Variants in DDX3X observed in about 807,000 individuals in gnomAD.
DDX3X encodes the protein ATP-dependent RNA helicase DDX3X.
DDX3X carries 4 observed loss-of-function variants against 52.7 expected under a neutral mutation model. The ratio of observed to expected loss-of-function variants is 0.08; its 90% CI spans 0.04 to 0.17. DDX3X has a LOEUF of 0.17. Ranked by LOEUF, DDX3X falls within the 10% of genes least tolerant of loss-of-function variation. The probability of loss-of-function intolerance (pLI) is 1.00; values close to 1 mark genes in which losing one functional copy is unlikely to be tolerated. For synonymous variants in DDX3X, 192 were observed against 178.1 expected (o/e 1.08, Z -0.62); for missense variants, 222 against 548.6 (o/e 0.40, Z 5.95).
chrX:41,354,536 C>A (rs1239044635), downstream of DDX3X, among the ~76,000 whole-genome samples: 1 of 107,912 alleles, frequency 9.3e-6, no homozygotes, highest in Non-Finnish European at 1.9e-5. Flanking sequence ...GTTGCCCAGG[C>A]TGGTCTTGAA....
At chrX:41,356,537 C>T (rs1319469557) in intron 5 of DDX3X, among the ~76,000 whole-genome samples, 2 of 101,985 alleles carry the variant, frequency 2.0e-5, no homozygotes, top group Non-Finnish European at 3.9e-5. Context: ...CGGCTCACTG[C>T]AACCTCTGCC....
At chrX:41,358,009 T>G (rs2064015594) in intron 5 of DDX3X, 1 of 286,060 alleles carries the variant, frequency 3.5e-6, no homozygotes, top group Non-Finnish European at 6.1e-6. Context: ...CTGTAAGCAT[T>G]CTTAGTCTGT....
At chrX:41,334,112 AG>A (rs772824297), upstream of DDX3X, 1 of 549,032 alleles carries the variant, frequency 1.8e-6, no homozygotes, top group Non-Finnish European at 3.0e-6. Flanking sequence ...GTGCTGACGT[AG>A]CCGGCTTTCC....
At position 41,347,907 on chromosome X, in the gene DDX3X, G is replaced by A. The variant is rs2147362178; in HGVS notation, c.*188G>A. The A allele has an allele frequency of 2.5e-6, 1 of 399,033 alleles. No homozygotes were observed. Among genetic ancestry groups the A allele is most frequent in the East Asian group, 4.3e-5 (1 of 23,518 alleles). 32.9% of individuals were successfully genotyped at this position (399,033 alleles called of 1,213,427 possible). ...AATGAAAGGAACAATCAGCAGCCCT[G>A]TTCAGAAGGTGGTTTGAAGACTTCA... On this transcript the variant is annotated 3_prime_UTR_variant, in exon 17 of 17. Coordinates refer to ENST00000644876, the MANE Select transcript of DDX3X (RefSeq NM_001356.5).
chrX:41,342,724 T>G lies in DDX3X; in HGVS notation c.444-13T>G. 8.3e-7 allele frequency: 1 copy of G among 1,209,922 alleles called. No individual in the cohort carries two copies. The highest frequency in any genetic ancestry group is 1.1e-6 in the Non-Finnish European group (1 of 893,826). ...TAGTATAACAAATGAACTTATCCAT[T>G]TTTTGATTTGAGGGAACTCTTTTCT... On this transcript the variant is annotated splice_polypyrimidine_tract_variant and intron_variant, in intron 5 of 16. Coordinates refer to ENST00000644876, the MANE Select transcript of DDX3X (RefSeq NM_001356.5).
At chrX:41,345,722 C>T (rs1450529528) in intron 12 of DDX3X, 174 bp downstream of exon 12, 7 of 436,638 alleles carry the variant, frequency 1.6e-5, no homozygotes, top group Non-Finnish European at 2.7e-5. Flanking sequence ...CCTGGTGCTC[C>T]CTTGCTTCCG....
At chrX:41,359,098 G>A (rs941096737) in intron 5 of DDX3X, among the ~76,000 whole-genome samples, 3 of 112,086 alleles carry the variant, frequency 2.7e-5, no homozygotes, top group Admixed American at 1.9e-4. Context: ...AACAGAACCC[G>A]TGGTATAAAT....
At chrX:41,360,496 G>A (rs955272052) in intron 5 of DDX3X, among the ~76,000 whole-genome samples, 8 of 109,318 alleles carry the variant, frequency 7.3e-5, no homozygotes, top group Non-Finnish European at 1.3e-4. Context: ...AGGCTGGAGT[G>A]CAGTGGCGTA....
intron 3 of DDX3X, chrX:41,340,619 G>A (rs374509976): frequency 7.3e-6 from 2 of 273,229 alleles, no homozygotes; most frequent in African/African-American, 5.5e-5. Context: ...AGTGATGAGG[G>A]TTTTTCTTTT....
rs1472300273 is a variant in DDX3X, at chrX:41,347,607, T to C, written c.1910-33T>C. The C allele has an allele frequency of 2.6e-6, 3 of 1,149,527 alleles. No homozygotes were observed. In the East Asian group the frequency reaches 8.9e-5, roughly 34 times the overall value. The allele number at this position is 1,149,527 out of a possible 1,213,427, so 94.7% of individuals were successfully genotyped here. On this transcript the variant is annotated intron_variant, in intron 16 of 16. Transcript: ENST00000644876. ...TTGTATTTAATGATGGATAACTTCATTAATTTCTCTCTCTTTTTAAATCTC... is the reference window on the plus strand; with the variant it reads ...TTGTATTTAATGATGGATAACTTCACTAATTTCTCTCTCTTTTTAAATCTC...
intron 5 of DDX3X, among the ~76,000 whole-genome samples, chrX:41,364,005 G>A (rs1343388272): frequency 1.8e-5 from 2 of 111,317 alleles, no homozygotes; most frequent in Non-Finnish European, 3.8e-5. Flanking sequence ...CTGCCCCTCT[G>A]CCTTCATTCT....
Position 41,343,802 on chromosome X carries a change from G to C in DDX3X, c.745G>C (p.Glu249Gln). 8.3e-7 allele frequency: 1 copy of C among 1,207,202 alleles called. No individual in the cohort carries two copies. Among genetic ancestry groups the C allele is most frequent in the Non-Finnish European group, 1.1e-6 (1 of 892,320 alleles). The part of the protein sequence containing the change: ...LSQIYSDGPG[E>Q]ALRAMKENGR... ...TCAGATTTATTCAGATGGTCCAGGC[G>C]AGGCTTTGAGGGCCATGAAGGTAGA... is the stretch of plus-strand genomic sequence containing the variant. Residue 249 changes from glutamate (E) to glutamine (Q), a missense_variant, in exon 8 of 17, where the codon GAG (glutamate) becomes CAG (glutamine). Transcript: ENST00000644876.
rs1001358042 is a variant in DDX3X, at chrX:41,347,661, A to G, written c.1931A>G (p.Asn644Ser). 3.3e-6 allele frequency: 4 copies of G among 1,201,032 alleles called. No homozygotes were observed. In the East Asian group the frequency reaches 8.9e-5, roughly 27 times the overall value. ...TTAGGTGGCTATGGAGGCTTTTACAACAGTGATGGATATGGAGGAAATTAT... is the reference window on the plus strand; with the variant it reads ...TTAGGTGGCTATGGAGGCTTTTACAGCAGTGATGGATATGGAGGAAATTAT... The part of the protein sequence containing the change: ...FGGGGYGGFY[N>S]SDGYGGNYNS... Residue 644 changes from asparagine to serine, a missense_variant, in exon 17 of 17, where the codon AAC (asparagine) becomes AGC (serine). This residue lies in a region of DDX3X where 38 missense variants were observed against 52.0 expected (regional missense o/e 0.73). Coordinates refer to ENST00000644876, the MANE Select transcript of DDX3X (RefSeq NM_001356.5).
In DDX3X at chrX:41,340,613, A is replaced by C. The variant is rs2063836925; in HGVS notation, c.152-871A>C. ...TTGTCTATACTGAGAATATATAGTG[A>C]TGAGGGTTTTTCTTTTTCCCAGGTA... On this transcript the variant is annotated intron_variant, in intron 3 of 16. Coordinates refer to ENST00000644876, the MANE Select transcript of DDX3X (RefSeq NM_001356.5). 10 of 271,816 alleles carry C rather than the reference A, an allele frequency of 3.7e-5. No homozygotes were observed. The East Asian group carries it at 5.2e-4, about 14-fold the overall frequency. The allele number at this position is 271,816 out of a possible 1,213,427, so 22.4% of individuals were successfully genotyped here.
In DDX3X at chrX:41,345,386, A is replaced by C. The variant is rs773747447; in HGVS notation, c.1171-18A>C. 1 of 1,196,502 alleles carries C rather than the reference A, an allele frequency of 8.4e-7. No individual in the cohort carries two copies. Among genetic ancestry groups the C allele is most frequent in the South Asian group, 1.9e-5 (1 of 53,740 alleles). ...ATTTGTTTATCTCAGGTAATAATAA[A>C]AATTTTTTTTCTTTCAGATGCTGGC... On this transcript the variant is annotated intron_variant, in intron 11 of 16. Transcript: ENST00000644876.
At chrX:41,350,351 A>G (rs974974101), downstream of DDX3X, 2 of 112,536 alleles carry the variant, frequency 1.8e-5, no homozygotes, top group African/African-American at 3.2e-5. Flanking sequence ...GACTCATACC[A>G]TAAGTATTTG....
chrX:41,333,711 GA>G (rs201279446), upstream of DDX3X: 11 of 103,545 alleles, frequency 1.1e-4, no homozygotes, highest in African/African-American at 3.2e-4. Context: ...CCAGTGTTAG[GA>G]AAAAAAAAAC....
chrX:41,347,229 T>C, intron 15 of DDX3X, 83 bp from the exon 16 acceptor site: 18 of 1,066,496 alleles, frequency 1.7e-5, no homozygotes, highest in Non-Finnish European at 2.3e-5. Context: ...ATGGAAAAAT[T>C]AGAAATTGGT....
In DDX3X at chrX:41,359,137, T is replaced by C. The variant is rs933753530; in HGVS notation, c.655-5137T>C. Among the ~76,000 whole-genome samples the C allele has an allele frequency of 2.8e-4, 32 of 112,394 alleles. 2 individuals carry two copies. Among genetic ancestry groups the C allele is most frequent in the Admixed American group, 2.4e-3 (25 of 10,550 alleles). ...TCCCAAGTATCAGTGTCACAAATAC[T>C]CTTTGCGTCTAAGAAACATGCTTTC... On this transcript the variant is annotated intron_variant, in intron 5 of 5. Transcript: ENST00000616050.
Sources: gnomAD v4.1 joint callset for allele counts (sites outside exome capture counted in the v4.1 genomes callset) on GRCh38, gnomAD v4.1.1 for gene constraint, gnomAD v4.1.1 regional missense constraint, MANE v1.5 for transcripts, NCBI Gene and HGNC (gene_info 2026-07-23, HGNC 2026-07-21) for gene names.